Variants in GRID2 observed in about 807,000 individuals in gnomAD.
GRID2 encodes the protein glutamate receptor ionotropic, delta-2.
Under a neutral mutation model 114.8 loss-of-function variants are expected in GRID2, and 33 were observed. The ratio of observed to expected loss-of-function variants is 0.29; its 90% CI spans 0.22 to 0.38. The LOEUF is 0.38. GRID2 is among the 10% of genes least tolerant of loss of function. The pLI is 1.00. For synonymous variants in GRID2, 505 were observed against 449.9 expected (o/e 1.12, Z -1.55); for missense variants, 1,184 against 1,257.7 (o/e 0.94, Z 0.89).
At chr4:92,486,542 C>T (rs1009530072) in intron 1 of GRID2, among the ~76,000 whole-genome samples, 1 of 130,174 alleles carries the variant, frequency 7.7e-6, no homozygotes, top group South Asian at 2.5e-4. Context: ...AAATCTCTCT[C>T]TCTTTCACAC....
Position 93,213,607 on chromosome 4 carries a change from A to T in GRID2, c.790-3131A>T, listed in dbSNP as rs1579310561. On this transcript the variant is annotated intron_variant, in intron 5 of 15. Transcript: ENST00000282020. Reference sequence around the variant, plus strand: ...GGAAAAAGGAAACTATTCCTCTGAAATTGTTATTTTTAGTCTAAATTGGCA... The same window carrying T: ...GGAAAAAGGAAACTATTCCTCTGAATTTGTTATTTTTAGTCTAAATTGGCA... Among the ~76,000 whole-genome samples the T allele has an allele frequency of 2.6e-5, 4 of 152,254 alleles. No homozygotes were observed. In the South Asian group the frequency reaches 8.3e-4, roughly 32 times the overall value.
At chr4:93,180,258 G>A (rs942249854) in intron 4 of GRID2, among the ~76,000 whole-genome samples, 8 of 152,126 alleles carry the variant, frequency 5.3e-5, no homozygotes, top group Admixed American at 4.6e-4. Flanking sequence ...ACATGTAAAT[G>A]TTATGTTTGC....
At chr4:92,490,522 G>C (rs1011357650) in intron 1 of GRID2, among the ~76,000 whole-genome samples, 6 of 152,130 alleles carry the variant, frequency 3.9e-5, no homozygotes, top group Non-Finnish European at 7.4e-5. Context: ...ATGTTCCCAA[G>C]ATGATTTAGA....
intron 2 of GRID2, among the ~76,000 whole-genome samples, chr4:92,773,572 T>C (rs1738636164): frequency 6.6e-6 from 1 of 152,044 alleles, no homozygotes; most frequent in South Asian, 2.1e-4. Flanking sequence ...CCAAGATTTA[T>C]ATCTAATTTA....
In GRID2 at chr4:93,262,014, T is replaced by TG. The variant is rs1231278563; in HGVS notation, c.1245+23526dup. ...CCCCTGATCTTATCCGTCCAGCTTC[T>TG]GGCTTCTTCCACAAAGGGTTTAAAG... On this transcript the variant is annotated intron_variant, in intron 8 of 15. Transcript: ENST00000282020. Among the ~76,000 whole-genome samples, 17 of 151,754 alleles carry TG rather than the reference T, an allele frequency of 1.1e-4. No homozygotes were observed. The East Asian group carries it at 2.1e-3, about 19-fold the overall frequency.
At chr4:92,655,687 T>C (rs1732196985) in intron 2 of GRID2, among the ~76,000 whole-genome samples, 1 of 151,780 alleles carries the variant, frequency 6.6e-6, no homozygotes, top group African/African-American at 2.4e-5. Flanking sequence ...TCATTATTGA[T>C]GGCTAGAAAT....
intron 10 of GRID2, among the ~76,000 whole-genome samples, chr4:93,438,916 AGTGAGAATATGCGGTGT>A (rs1215712915): frequency 6.7e-6 from 1 of 149,698 alleles, no homozygotes; most frequent in African/African-American, 2.5e-5. Context: ...CCCACCTATG[AGTGAGAATATGCGGTGT>A]TTGGTTTTTT....
intron 1 of GRID2, among the ~76,000 whole-genome samples, chr4:92,460,720 T>G (rs182673426): frequency 6.8e-4 from 103 of 152,220 alleles, no homozygotes; most frequent in African/African-American, 2.4e-3. Context: ...CAGGACTCAT[T>G]TTGAAAGTCT....
rs537001989 is a variant in GRID2, at chr4:92,715,523, C to T, written c.244+125237C>T. Among the ~76,000 whole-genome samples the T allele has an allele frequency of 2.6e-3, 403 of 152,160 alleles. 5 individuals are homozygous for T. The highest frequency in any genetic ancestry group is 3.5e-3 in the Admixed American group (53 of 15,274). ...TTTTTACACTGCTGATAAAGACATA[C>T]CCAAGACTGGGCAATTTACAAAAAA... On this transcript the variant is annotated intron_variant, in intron 2 of 15. Transcript: ENST00000282020.
At chr4:92,973,213 A>G (rs1028444334) in intron 2 of GRID2, among the ~76,000 whole-genome samples, 9 of 152,286 alleles carry the variant, frequency 5.9e-5, no homozygotes, top group African/African-American at 2.2e-4. Context: ...GTGATTCCTC[A>G]AAGACCTAAG....
intron 2 of GRID2, among the ~76,000 whole-genome samples, chr4:93,064,809 T>G (rs1044232380): frequency 1.3e-5 from 2 of 151,940 alleles, no homozygotes; most frequent in Admixed American, 6.6e-5. Flanking sequence ...ATATGTTTAA[T>G]GACATTTCAT....
intron 4 of GRID2, among the ~76,000 whole-genome samples, chr4:93,178,423 A>G (rs72889645): frequency 0.016 from 1,827 of 115,842 alleles, 65 homozygotes; most frequent in African/African-American, 0.062. Flanking sequence ...AGAGAGAGGA[A>G]TCTTGCTCTG....
In GRID2 at chr4:92,994,048, C is replaced by A. The variant is rs1755059079; in HGVS notation, c.245-90947C>A. ...ATCTTTTATCCAGTGTCTGAGGATA[C>A]AATGAGATTGTCTTTGAAGGTTGCA... is the stretch of plus-strand genomic sequence containing the variant. On this transcript the variant is annotated intron_variant, in intron 2 of 15. Coordinates refer to ENST00000282020, the MANE Select transcript of GRID2 (RefSeq NM_001510.4). 2.0e-5 allele frequency among the ~76,000 whole-genome samples: 3 copies of A among 152,040 alleles called. No homozygotes were observed. In the South Asian group the frequency reaches 6.2e-4, roughly 31 times the overall value.
In GRID2 at chr4:93,515,277, G is replaced by T; in HGVS notation, c.2059G>T (p.Val687Leu). 6.2e-7 allele frequency: 1 copy of T among 1,610,452 alleles called. No individual in the cohort carries two copies. The highest frequency in any genetic ancestry group is 8.5e-7 in the Non-Finnish European group (1 of 1,176,950). Residue 687 changes from valine to leucine, a missense_variant, in exon 13 of 16, where the codon GTA (valine) becomes TTA (leucine). By Grantham distance (32) the Val-to-Leu change is conservative. Transcript: ENST00000282020. The part of the protein sequence containing the change: ...IPYGTVLDSA[V>L]YEHVRMKGLN... Reference sequence around the variant, plus strand: ...TTATGGCACAGTCCTAGACTCTGCGGTATATGAGCATGTCCGCATGAAAGG... The same window carrying T: ...TTATGGCACAGTCCTAGACTCTGCGTTATATGAGCATGTCCGCATGAAAGG...
intron 1 of GRID2, among the ~76,000 whole-genome samples, chr4:92,471,927 T>TATGAATGTCAATAGTTCA (rs1560653188): frequency 3.3e-5 from 1 of 30,632 alleles, no homozygotes. Flanking sequence ...TCCATATTTC[T>TATGAATGTCAATAGTTCA]TTTTTTTTTT....
chr4:93,237,013 A>G (rs1179615007), intron 7 of GRID2, among the ~76,000 whole-genome samples: 1 of 152,018 alleles, frequency 6.6e-6, no homozygotes, highest in African/African-American at 2.4e-5. Context: ...AATCAGAATA[A>G]TCTTCTGGGG....
At chr4:92,496,672 C>T (rs1478065684) in intron 1 of GRID2, among the ~76,000 whole-genome samples, 1 of 150,826 alleles carries the variant, frequency 6.6e-6, no homozygotes, top group Non-Finnish European at 1.5e-5. Context: ...GAATATATGA[C>T]TAAAATGAAG....
chr4:92,856,069 T>C (rs1744159508), intron 2 of GRID2, among the ~76,000 whole-genome samples: 1 of 152,030 alleles, frequency 6.6e-6, no homozygotes, highest in Admixed American at 6.6e-5. Context: ...CAAGCTGGAA[T>C]TTTTTTCCAA....
chr4:93,320,408 C>T (rs1757091659), intron 8 of GRID2, among the ~76,000 whole-genome samples: 1 of 152,044 alleles, frequency 6.6e-6, no homozygotes, highest in Non-Finnish European at 1.5e-5. Flanking sequence ...GGAATTTTAA[C>T]CCATGAGGAC....
Sources: allele counts gnomAD v4.1 joint callset (sites outside exome capture counted in the v4.1 genomes callset), GRCh38; gene constraint gnomAD v4.1.1; transcripts MANE v1.5; gene names NCBI Gene and HGNC (gene_info 2026-07-23, HGNC 2026-07-21).